PALB2: variants seen among roughly 807,000 people sequenced by gnomAD.
PALB2 encodes the protein partner and localizer of BRCA2, also known as mutant partner and localizer of BRCA2.
In PALB2, 82 loss-of-function variants were observed where a neutral mutation model predicts 107.4. The observed-to-expected ratio is 0.76, with a 90% CI of 0.64 to 0.92. PALB2 has a LOEUF of 0.92. PALB2 is among the 40% of genes least tolerant of loss of function. The pLI, the probability that PALB2 is intolerant of heterozygous loss-of-function variation, is 0.00. For synonymous variants in PALB2, 489 were observed against 496.8 expected, an observed-to-expected ratio of 0.98 and a Z score of 0.21; for missense variants, 1,374 against 1,379.9, an observed-to-expected ratio of 1.00 and a Z score of 0.07.
chr16:23,607,279 T>C (rs1966493960), intron 12 of PALB2: 1 of 135,526 alleles, frequency 7.4e-6, no homozygotes, highest in African/African-American at 2.8e-5. Flanking sequence ...TTCATTACTC[T>C]TTATGTGAAT....
chr16:23,631,670 A>C lies in PALB2; in HGVS notation c.1685-1201T>G, dbSNP rs540239103. Among the ~76,000 whole-genome samples the C allele has an allele frequency of 3.9e-5, 6 of 152,268 alleles. No individual in the cohort carries two copies. In the East Asian group the frequency reaches 1.2e-3, roughly 29 times the overall value. On this transcript the variant is annotated intron_variant, in intron 4 of 12. Transcript: ENST00000261584. ...AACCTTAGGCAAATCGATTTATTTCATTTTCCCTTTTCTCATTGTCTCTCA... is the reference window on the plus strand; with the variant it reads ...AACCTTAGGCAAATCGATTTATTTCCTTTTCCCTTTTCTCATTGTCTCTCA...
At chr16:23,639,841 C>T (rs1438377259) in intron 1 of PALB2, among the ~76,000 whole-genome samples, 1 of 151,998 alleles carries the variant, frequency 6.6e-6, no homozygotes, top group Non-Finnish European at 1.5e-5. Context: ...AAAACAAAAC[C>T]TATGTGCAAA....
At chr16:23,604,518 G>A (rs1188972655) in intron 12 of PALB2, among the ~76,000 whole-genome samples, 1 of 152,248 alleles carries the variant, frequency 6.6e-6, no homozygotes, top group Non-Finnish European at 1.5e-5. Flanking sequence ...TGTAATCCCA[G>A]CACTTTGGGA....
intron 6 of PALB2, 60 bp downstream of exon 6, chr16:23,629,144 C>A: frequency 7.7e-7 from 1 of 1,291,670 alleles, no homozygotes. Flanking sequence ...GAATTCTTTT[C>A]AGTTCATTAA....
intron 10 of PALB2, among the ~76,000 whole-genome samples, chr16:23,617,411 G>C (rs754095495): frequency 1.3e-5 from 2 of 151,888 alleles, no homozygotes; most frequent in Non-Finnish European, 2.9e-5. Context: ...ACACAAAGCA[G>C]CAAATACTAA....
intron 4 of PALB2, 131 bp downstream of exon 4, chr16:23,634,731 G>C: frequency 8.1e-7 from 1 of 1,236,308 alleles, no homozygotes; most frequent in Non-Finnish European, 1.1e-6. Context: ...CAAAGTGCTG[G>C]GATTACAGAC....
Position 23,630,359 on chromosome 16 carries a change from T to A in PALB2, c.1795A>T (p.Ser599Cys), listed in dbSNP as rs1966865873. 4 of 1,614,020 alleles carry A rather than the reference T, an allele frequency of 2.5e-6. No individual in the cohort carries two copies. The highest frequency in any genetic ancestry group is 3.4e-6 in the Non-Finnish European group (4 of 1,179,992). Residue 599 changes from serine (S) to cysteine (C), a missense_variant, in exon 5 of 13, where the codon AGT becomes TGT. By Grantham distance (112) the Ser-to-Cys change is moderately radical. Coordinates refer to ENST00000261584, the MANE Select transcript of PALB2 (RefSeq NM_024675.4). ...TAPFHRDGML[S>C]LKQLLSFLSI... Reference sequence around the variant, plus strand: ...AGAAAAGACAGTAGTTGCTTTAAACTCAGCATTCCATCCCTATGAAATGGA... The same window carrying A: ...AGAAAAGACAGTAGTTGCTTTAAACACAGCATTCCATCCCTATGAAATGGA...
At position 23,605,259 on chromosome 16, in the gene PALB2, T is replaced by C. The variant is rs1966448922; in HGVS notation, c.3351-1590A>G. On this transcript the variant is annotated intron_variant, in intron 12 of 12. Coordinates refer to ENST00000261584, the MANE Select transcript of PALB2 (RefSeq NM_024675.4). ...CTCCCTAAGGTTTTCTTTGACAGTC[T>C]CTCCCCAACCCTCTACTGCCAATTA... is the stretch of plus-strand genomic sequence containing the variant. Among the ~76,000 whole-genome samples the C allele has an allele frequency of 2.6e-5, 4 of 152,086 alleles. No homozygotes were observed. The South Asian group carries it at 8.3e-4, about 32-fold the overall frequency.
rs1017830508 is a variant in PALB2, at chr16:23,641,219, C to A, written c.-62G>T. ...GACCCCAGGCCTGCCGACACCGGGA[C>A]CCAGTTGGCCCTGGGCCGGGGAGGC... On this transcript the variant is annotated 5_prime_UTR_variant, in exon 1 of 13. Coordinates refer to ENST00000261584, the MANE Select transcript of PALB2 (RefSeq NM_024675.4). The A allele has an allele frequency of 4.4e-6, 7 of 1,586,782 alleles. No individual in the cohort carries two copies. Among genetic ancestry groups the A allele is most frequent in the Non-Finnish European group, 6.0e-6 (7 of 1,165,722 alleles).
At chr16:23,633,286 T>C (rs1490782965) in intron 4 of PALB2, among the ~76,000 whole-genome samples, 1 of 152,246 alleles carries the variant, frequency 6.6e-6, no homozygotes, top group Non-Finnish European at 1.5e-5. Context: ...CTACCTATTT[T>C]TGCACATAAA....
At chr16:23,632,423 AAC>A in intron 4 of PALB2, among the ~76,000 whole-genome samples, 1 of 152,072 alleles carries the variant, frequency 6.6e-6, no homozygotes, top group Middle Eastern at 3.2e-3. Flanking sequence ...CAGCCTGGGC[AAC>A]AGAGTGACAC....
intron 11 of PALB2, among the ~76,000 whole-genome samples, chr16:23,613,226 T>C (rs1966618963): frequency 6.6e-6 from 1 of 152,154 alleles, no homozygotes; most frequent in Non-Finnish European, 1.5e-5. Flanking sequence ...CTACAGTCAT[T>C]CTACTCTGCT....
chr16:23,622,846 G>A (rs1966795553), intron 9 of PALB2, 123 bp downstream of exon 9: 3 of 1,083,562 alleles, frequency 2.8e-6, no homozygotes, highest in Admixed American at 3.5e-5. Flanking sequence ...TGTTGATGCG[G>A]TACATGCTTA....
At chr16:23,627,429 G>A (rs1163230225) in intron 6 of PALB2, among the ~76,000 whole-genome samples, 1 of 150,284 alleles carries the variant, frequency 6.7e-6, no homozygotes, top group Non-Finnish European at 1.5e-5. Flanking sequence ...GGAGCTTGCA[G>A]TGAGCCGAGA....
chr16:23,610,135 T>C (rs1025867218), intron 11 of PALB2, among the ~76,000 whole-genome samples: 1 of 152,164 alleles, frequency 6.6e-6, no homozygotes, highest in Non-Finnish European at 1.5e-5. Flanking sequence ...CACAGCTACA[T>C]CTATCCATTT....
At chr16:23,608,130 T>C (rs770557438) in intron 11 of PALB2, 118 bp from the exon 12 acceptor site, 85 of 1,120,964 alleles carry the variant, frequency 7.6e-5, no homozygotes, top group Non-Finnish European at 1.1e-4. Context: ...GGCTCTGAAG[T>C]ATCCAGGATT....
At chr16:23,639,184 A>G (rs531920677) in intron 1 of PALB2, among the ~76,000 whole-genome samples, 1 of 152,148 alleles carries the variant, frequency 6.6e-6, no homozygotes, top group Non-Finnish European at 1.5e-5. Context: ...TCATCTTTCA[A>G]CCAACAAAAC....
chr16:23,637,121 G>A (rs982919180), intron 3 of PALB2, among the ~76,000 whole-genome samples: 3 of 151,914 alleles, frequency 2.0e-5, no homozygotes, highest in African/African-American at 4.8e-5. Flanking sequence ...GGCGGTGTGC[G>A]CCTGTAGTCC....
At chr16:23,622,163 A>G (rs970025941) in intron 9 of PALB2, among the ~76,000 whole-genome samples, 2 of 152,224 alleles carry the variant, frequency 1.3e-5, no homozygotes, top group Admixed American at 6.6e-5. Context: ...AGTATATAAT[A>G]GAGAAGATGC....
Sources: gnomAD v4.1 joint callset for allele counts (sites outside exome capture counted in the v4.1 genomes callset) on GRCh38, gnomAD v4.1.1 for gene constraint, MANE v1.5 for transcripts, NCBI Gene and HGNC (gene_info 2026-07-23, HGNC 2026-07-21) for gene names.